ATP8A2: variants seen among roughly 807,000 people sequenced by gnomAD.
The protein encoded by ATP8A2 is phospholipid-transporting ATPase IB.
In ATP8A2, 100 loss-of-function variants were observed where a neutral mutation model predicts 165.6. That is an observed-to-expected ratio of 0.60 (90% CI 0.51 to 0.71). The LOEUF is 0.71. Among genes scored for constraint, ATP8A2 ranks in the 30% least tolerant of loss-of-function variants. The pLI, the probability that ATP8A2 is intolerant of heterozygous loss-of-function variation, is 0.00. For missense variants in ATP8A2, 1,227 were observed against 1,479.5 expected, an observed-to-expected ratio of 0.83 and a Z score of 2.80; for synonymous variants, 543 against 548.8, an observed-to-expected ratio of 0.99 and a Z score of 0.15.
At chr13:25,516,280 A>C (rs7336419) in intron 2 of ATP8A2, among the ~76,000 whole-genome samples, 82,562 of 151,834 alleles carry the variant, frequency 0.54, 23,682 homozygotes, top group Middle Eastern at 0.66. Flanking sequence ...GAACCAGTGC[A>C]CCCTTGACTG....
intron 33 of ATP8A2, among the ~76,000 whole-genome samples, chr13:25,942,300 C>T (rs2139112358): frequency 6.6e-6 from 1 of 152,282 alleles, no homozygotes; most frequent in South Asian, 2.1e-4. Context: ...ATGAATTTCC[C>T]AAGAGGGCAT....
intron 24 of ATP8A2, among the ~76,000 whole-genome samples, chr13:25,691,147 T>C (rs914816571): frequency 1.3e-5 from 2 of 152,100 alleles, no homozygotes; most frequent in Admixed American, 6.5e-5. Flanking sequence ...GAGGCCAAAC[T>C]GTAGTAAAAA....
chr13:25,524,453 G>A (rs2037771424), intron 2 of ATP8A2, among the ~76,000 whole-genome samples: 2 of 152,084 alleles, frequency 1.3e-5, no homozygotes. Flanking sequence ...TACTGACAGT[G>A]GGAAGCTGAG....
intron 1 of ATP8A2, among the ~76,000 whole-genome samples, chr13:25,423,899 A>G (rs903712287): frequency 1.3e-5 from 2 of 152,212 alleles, no homozygotes; most frequent in African/African-American, 4.8e-5. Flanking sequence ...GTGTACAAAT[A>G]ATTCTAACAG....
intron 35 of ATP8A2, among the ~76,000 whole-genome samples, chr13:25,990,627 G>A (rs1036793358): frequency 6.6e-6 from 1 of 152,184 alleles, no homozygotes; most frequent in African/African-American, 2.4e-5. Flanking sequence ...AGGAAGCCAG[G>A]GTCCTTGCGT....
chr13:25,565,381 G>A (rs2039282399), intron 16 of ATP8A2, among the ~76,000 whole-genome samples: 1 of 152,140 alleles, frequency 6.6e-6, no homozygotes, highest in Non-Finnish European at 1.5e-5. Flanking sequence ...CCGCATCCAT[G>A]CCAACATCTA....
At chr13:25,782,527 G>C (rs754216597) in intron 27 of ATP8A2, among the ~76,000 whole-genome samples, 2 of 152,128 alleles carry the variant, frequency 1.3e-5, no homozygotes, top group Non-Finnish European at 2.9e-5. Context: ...TCATCCCTTA[G>C]TATCCACAGG....
chr13:25,776,548 A>C (rs925498484), intron 27 of ATP8A2, among the ~76,000 whole-genome samples: 1 of 152,136 alleles, frequency 6.6e-6, no homozygotes, highest in African/African-American at 2.4e-5. Context: ...ACTTGTAGAT[A>C]TTGGTGTAAG....
chr13:25,453,501 G>A (rs1246868754), intron 1 of ATP8A2, among the ~76,000 whole-genome samples: 3 of 152,050 alleles, frequency 2.0e-5, no homozygotes, highest in Admixed American at 6.6e-5. Flanking sequence ...TTATGGCCTC[G>A]GGATTGGCTT....
At chr13:25,426,664 C>G (rs148540117) in intron 1 of ATP8A2, among the ~76,000 whole-genome samples, 83 of 152,056 alleles carry the variant, frequency 5.5e-4, no homozygotes, top group Non-Finnish European at 6.0e-4. Context: ...GTATCAGGGC[C>G]GGGCACGGTG....
chr13:25,877,681 T>A (rs1437802880), intron 33 of ATP8A2, among the ~76,000 whole-genome samples: 1 of 152,248 alleles, frequency 6.6e-6, no homozygotes, highest in Non-Finnish European at 1.5e-5. Flanking sequence ...ACTTTCATAC[T>A]AGCCATGTGG....
chr13:25,826,842 C>T (rs1951330846), intron 27 of ATP8A2, among the ~76,000 whole-genome samples: 1 of 149,388 alleles, frequency 6.7e-6, no homozygotes, highest in Admixed American at 6.7e-5. Flanking sequence ...CCCGGTGGCT[C>T]GGCCCTCTTC....
At chr13:25,833,925 G>A (rs1265401494) in intron 28 of ATP8A2, among the ~76,000 whole-genome samples, 1 of 152,180 alleles carries the variant, frequency 6.6e-6, no homozygotes, top group East Asian at 1.9e-4. Flanking sequence ...GTTGATATCT[G>A]TTCTACTCAA....
intron 24 of ATP8A2, among the ~76,000 whole-genome samples, chr13:25,663,534 A>G (rs1203486228): frequency 6.6e-6 from 1 of 152,140 alleles, no homozygotes; most frequent in Middle Eastern, 3.4e-3. Flanking sequence ...ACTGAGGTGC[A>G]TTGGGCCACT....
At chr13:25,735,407 G>A (rs917096501) in intron 25 of ATP8A2, among the ~76,000 whole-genome samples, 5 of 151,992 alleles carry the variant, frequency 3.3e-5, no homozygotes, top group African/African-American at 1.2e-4. Context: ...CCACAGGAGA[G>A]CACCACCACG....
intron 24 of ATP8A2, among the ~76,000 whole-genome samples, chr13:25,617,848 C>T (rs1379881948): frequency 6.6e-6 from 1 of 152,140 alleles, no homozygotes; most frequent in Non-Finnish European, 1.5e-5. Flanking sequence ...TCTCATCGAT[C>T]TTAATATTTA....
chr13:25,647,525 CTTCT>C (rs1033891521), intron 24 of ATP8A2, among the ~76,000 whole-genome samples: 15 of 152,138 alleles, frequency 9.9e-5, no homozygotes, highest in Non-Finnish European at 1.8e-4. Flanking sequence ...CTTAGAATTT[CTTCT>C]TTGTCTTTGA....
At chr13:25,543,630 G>A (rs1056949555) in intron 10 of ATP8A2, among the ~76,000 whole-genome samples, 8 of 152,074 alleles carry the variant, frequency 5.3e-5, no homozygotes, top group Non-Finnish European at 1.0e-4. Flanking sequence ...TTGTTTTCTG[G>A]ATTAGGGGAA....
At chr13:25,729,208 A>T (rs543463631) in intron 25 of ATP8A2, among the ~76,000 whole-genome samples, 1 of 151,882 alleles carries the variant, frequency 6.6e-6, no homozygotes, top group Admixed American at 6.6e-5. Flanking sequence ...GCTCTTCCAC[A>T]TTTTTTCATT....
Sources: allele counts gnomAD v4.1 joint callset (sites outside exome capture counted in the v4.1 genomes callset), GRCh38; gene constraint gnomAD v4.1.1; transcripts MANE v1.5; gene names NCBI Gene and HGNC (gene_info 2026-07-23, HGNC 2026-07-21).